Variants in SLC38A3 observed in about 807,000 individuals in gnomAD.
SLC38A3 encodes the protein solute carrier family 38 member 3.
Under a neutral mutation model 59.5 loss-of-function variants are expected in SLC38A3, and 17 were observed. The observed-to-expected ratio is 0.29, with a 90% CI of 0.20 to 0.43. The LOEUF is 0.43. SLC38A3 is among the 20% of genes least tolerant of loss of function. The pLI, the probability that SLC38A3 is intolerant of heterozygous loss-of-function variation, is 1.00. For missense variants in SLC38A3, 454 were observed against 653.9 expected, an observed-to-expected ratio of 0.69 and a Z score of 3.33; for synonymous variants, 238 against 260.3, an observed-to-expected ratio of 0.91 and a Z score of 0.82.
Position 50,218,587 on chromosome 3 carries a change from C to T in SLC38A3, c.1037-6C>T. The T allele has an allele frequency of 6.2e-7, 1 of 1,611,434 alleles. No homozygotes were observed. The highest frequency in any genetic ancestry group is 8.5e-7 in the Non-Finnish European group (1 of 1,178,698). ...ACCTACTGACCACCCTCCCTGCCTG[C>T]CACAGACGGGGTGGAGTCGGAGCTG... On this transcript the variant is annotated splice_polypyrimidine_tract_variant and splice_region_variant and intron_variant, in intron 12 of 15. Transcript: ENST00000614032. The surrounding 1 kb of genome is among the most constrained non-coding windows in gnomAD (Gnocchi z 5.8).
In SLC38A3 at chr3:50,217,306, T is replaced by C; in HGVS notation, c.617T>C (p.Leu206Pro). ...GTCACCATCATTCTGCCCCTGGCACTGATGCGGCAGCTTGGTGAGTGTGGA... is the reference window on the plus strand; with the variant it reads ...GTCACCATCATTCTGCCCCTGGCACCGATGCGGCAGCTTGGTGAGTGTGGA... ...VSVTIILPLA[L>P]MRQLGYLGYS... The change falls in exon 8 of 16, where the codon CTG (leucine) becomes CCG (proline). Residue 206 changes from leucine to proline, a missense_variant. Physicochemically the swap from Leu to Pro is moderately conservative, Grantham distance 98. This residue lies in a region of SLC38A3 where 390 missense variants were observed against 557.9 expected (regional missense o/e 0.70). Coordinates refer to ENST00000614032, the MANE Select transcript of SLC38A3 (RefSeq NM_006841.6). The surrounding 1 kb of genome is among the most constrained non-coding windows in gnomAD (Gnocchi z 4.9). 1 of 1,613,654 alleles carries C rather than the reference T, an allele frequency of 6.2e-7. No individual in the cohort carries two copies. Among genetic ancestry groups the C allele is most frequent in the South Asian group, 1.1e-5 (1 of 90,958 alleles).
At chr3:50,219,029 T>G in intron 14 of SLC38A3, 81 bp downstream of exon 14, 2 of 1,535,726 alleles carry the variant, frequency 1.3e-6, no homozygotes, top group Admixed American at 1.8e-5. Flanking sequence ...ATTCCTGAGC[T>G]TACACCCTAC....
chr3:50,216,756 CTTTGT>C (rs3831498), intron 7 of SLC38A3, among the ~76,000 whole-genome samples: 137 of 150,778 alleles, frequency 9.1e-4, no homozygotes, highest in Admixed American at 3.4e-3. Context: ...AAGGCACGCC[CTTTGT>C]TTTGTTTTGT....
At chr3:50,216,296 C>A (rs769804957) in intron 7 of SLC38A3, among the ~76,000 whole-genome samples, 8 of 152,200 alleles carry the variant, frequency 5.3e-5, no homozygotes, top group Non-Finnish European at 7.3e-5. Context: ...CAGCCCAGCC[C>A]GAGCAAGCAG....
chr3:50,215,132 G>A lies in SLC38A3; in HGVS notation c.300-254G>A, dbSNP rs1227348591. On this transcript the variant is annotated intron_variant, in intron 4 of 15. Coordinates refer to ENST00000614032, the MANE Select transcript of SLC38A3 (RefSeq NM_006841.6). This position sits in a 1 kb window ranked among gnomAD's most constrained non-coding sequence, Gnocchi z 7.1. ...GTTTGTTTCAAGGACTCAAGAGGAG[G>A]ACGTGCTCAGAGGGCAGTCACAGGG... 3.5e-6 allele frequency: 2 copies of A among 576,806 alleles called. No individual in the cohort carries two copies. The highest frequency in any genetic ancestry group is 3.7e-5 in the African/African-American group (2 of 53,434). 35.7% of individuals were successfully genotyped at this position (576,806 alleles called of 1,614,324 possible).
intron 1 of SLC38A3, among the ~76,000 whole-genome samples, chr3:50,213,915 T>A (rs950665999): frequency 6.6e-6 from 1 of 152,106 alleles, no homozygotes; most frequent in African/African-American, 2.4e-5. Context: ...GGTGTGCATG[T>A]AAGAAGTGCA....
intron 1 of SLC38A3, among the ~76,000 whole-genome samples, chr3:50,212,163 C>T (rs928098131): frequency 2.6e-5 from 4 of 152,240 alleles, no homozygotes; most frequent in Non-Finnish European, 5.9e-5. Context: ...CCTCAGACAC[C>T]TCCCACGGCC....
At chr3:50,216,053 A>G (rs1296144934) in intron 7 of SLC38A3, among the ~76,000 whole-genome samples, 1 of 152,156 alleles carries the variant, frequency 6.6e-6, no homozygotes, top group Non-Finnish European at 1.5e-5. Context: ...TTGTGGGGCT[A>G]GGGGCAGGGT....
chr3:50,214,930 C>T lies in SLC38A3; in HGVS notation c.299+162C>T. On this transcript the variant is annotated intron_variant, in intron 4 of 15. Coordinates refer to ENST00000614032, the MANE Select transcript of SLC38A3 (RefSeq NM_006841.6). This position sits in a 1 kb window ranked among gnomAD's most constrained non-coding sequence, Gnocchi z 6.0. ...GCTGAAAAAAACATCCACAGCCAAA[C>T]AAATATACCTCACTGCCCAGTAAAC... The T allele has an allele frequency of 3.1e-6, 2 of 644,172 alleles. No individual in the cohort carries two copies. The highest frequency in any genetic ancestry group is 5.6e-5 in the Admixed American group (2 of 35,920). The allele number at this position is 644,172 out of a possible 1,614,324, so 39.9% of individuals were successfully genotyped here. A position where few individuals can be genotyped will look rare whatever the true frequency, so the allele number is the denominator to read the frequency against.
chr3:50,218,201 T>TG lies in SLC38A3; in HGVS notation c.936-65dup. 4 of 1,204,212 alleles carry TG rather than the reference T, an allele frequency of 3.3e-6. No individual in the cohort carries two copies. The highest frequency in any genetic ancestry group is 4.9e-6 in the Non-Finnish European group (4 of 808,772). 74.6% of individuals were successfully genotyped at this position (1,204,212 alleles called of 1,614,324 possible). On this transcript the variant is annotated intron_variant, in intron 11 of 15. Transcript: ENST00000614032. This position sits in a 1 kb window ranked among gnomAD's most constrained non-coding sequence, Gnocchi z 5.8. Reference sequence around the variant, plus strand: ...TGAAAGTATGGTGCCAGAGAGAGCTTGGGGCACATGGGGGTCTCCCAATGT... The same window carrying TG: ...TGAAAGTATGGTGCCAGAGAGAGCTTGGGGGCACATGGGGGTCTCCCAATGT...
At position 50,208,952 on chromosome 3, in the gene SLC38A3, C is replaced by G. The variant is rs77984349; in HGVS notation, c.-52+3604C>G. ...CCAGGCCGACCTTGACTTTAGCCCCCCATCGGACTCTCTGATGAGTCCTGA... is the reference window on the plus strand; with the variant it reads ...CCAGGCCGACCTTGACTTTAGCCCCGCATCGGACTCTCTGATGAGTCCTGA... On this transcript the variant is annotated intron_variant, in intron 1 of 15. Coordinates refer to ENST00000614032, the MANE Select transcript of SLC38A3 (RefSeq NM_006841.6). Among the ~76,000 whole-genome samples, 144 of 152,324 alleles carry G rather than the reference C, an allele frequency of 9.5e-4. 1 individual carries two copies. In the East Asian group the frequency reaches 0.017, roughly 18 times the overall value.
At chr3:50,206,061 C>A (rs1162443252) in intron 1 of SLC38A3, among the ~76,000 whole-genome samples, 1 of 152,266 alleles carries the variant, frequency 6.6e-6, no homozygotes, top group Non-Finnish European at 1.5e-5. Flanking sequence ...TTAGAGCCCG[C>A]GCAGCGCACG....
At position 50,214,627 on chromosome 3, in the gene SLC38A3, T is replaced by G; in HGVS notation, c.184-26T>G. On this transcript the variant is annotated intron_variant, in intron 3 of 15. Coordinates refer to ENST00000614032, the MANE Select transcript of SLC38A3 (RefSeq NM_006841.6). The surrounding 1 kb of genome is among the most constrained non-coding windows in gnomAD (Gnocchi z 6.0). ...TGTCCCTTGCTGACTCCTCCCACCC[T>G]CCCCGTCCCATTCTGGTGCCTGCAG... The G allele has an allele frequency of 7.7e-6, 6 of 777,192 alleles. No individual in the cohort carries two copies. The highest frequency in any genetic ancestry group is 1.8e-5 in the African/African-American group (1 of 56,480). 48.1% of individuals were successfully genotyped at this position (777,192 alleles called of 1,614,324 possible).
Position 50,220,161 on chromosome 3 carries a change from A to T in SLC38A3, c.1499A>T (p.His500Leu). 6.3e-7 allele frequency: 1 copy of T among 1,594,142 alleles called. No homozygotes were observed. Among genetic ancestry groups the T allele is most frequent in the African/African-American group, 1.3e-5 (1 of 74,716 alleles). The change falls in exon 16 of 16, where the codon CAT becomes CTT. Residue 500 changes from histidine (H) to leucine (L), a missense_variant. Physicochemically the swap from His to Leu is moderately conservative, Grantham distance 99 (BLOSUM62 -3). Coordinates refer to ENST00000614032, the MANE Select transcript of SLC38A3 (RefSeq NM_006841.6). ...GACTGGGCCTCAGGGACCAGCCGGC[A>T]TGGAGGAAACCACTAGGGTGACCCT... ...IIDWASGTSR[H>L]GGNH is the part of the protein sequence containing the mutation.
At chr3:50,213,823 C>T (rs1215091388) in intron 1 of SLC38A3, among the ~76,000 whole-genome samples, 1 of 152,210 alleles carries the variant, frequency 6.6e-6, no homozygotes. Flanking sequence ...ATGCTGGTGC[C>T]ACTGGGCTCT....
In SLC38A3 at chr3:50,215,609, C is replaced by T. The variant is rs748392000; in HGVS notation, c.439C>T (p.Leu147=). 9.1e-5 allele frequency: 147 copies of T among 1,613,660 alleles called. 1 individual carries two copies. In the South Asian group the frequency reaches 1.6e-3, roughly 17 times the overall value. ...GACCCCAGGAAAGCTGGCAGCAGCC[C>T]TGGCCATCACGCTCCAGAACATCGG... The part of the protein sequence containing the change: ...FGTPGKLAAA[L]AITLQNIGAM... Residue 147 remains leucine (L), a synonymous_variant, in exon 6 of 16, where the codon CTG becomes TTG. Coordinates refer to ENST00000614032, the MANE Select transcript of SLC38A3 (RefSeq NM_006841.6). The surrounding 1 kb of genome is among the most constrained non-coding windows in gnomAD (Gnocchi z 7.1).
In SLC38A3 at chr3:50,214,515, A is replaced by T. The variant is rs377107626; in HGVS notation, c.183+32A>T. The T allele has an allele frequency of 6.5e-7, 1 of 1,541,636 alleles. No homozygotes were observed. Among genetic ancestry groups the T allele is most frequent in the Non-Finnish European group, 8.8e-7 (1 of 1,136,476 alleles). The stretch of plus-strand genomic sequence containing the variant: ...AGGGCAGCAACGGGTTTTAGGGGAC[A>T]CTGTGGGGAGCTTGGATGCAGTAAT... On this transcript the variant is annotated intron_variant, in intron 3 of 15. Coordinates refer to ENST00000614032, the MANE Select transcript of SLC38A3 (RefSeq NM_006841.6). This position sits in a 1 kb window ranked among gnomAD's most constrained non-coding sequence, Gnocchi z 6.0.
At position 50,220,091 on chromosome 3, in the gene SLC38A3, CT is replaced by C; in HGVS notation, c.1431del (p.Gly478AlafsTer4). Reference protein sequence around the residue: ...PKILALCFAMLGFLLMTMSLS... With the variant: ...PKILALCFAMXGFLLMTMSLS... ...TCCACAGGCCCTGTGTTTTGCTATG[CT>C]TGGCTTCTTGCTGATGACCATGAGC... On this transcript the variant is annotated frameshift_variant, in exon 16 of 16. Coordinates refer to ENST00000614032, the MANE Select transcript of SLC38A3 (RefSeq NM_006841.6). LOFTEE classifies it high-confidence loss of function. The C allele has an allele frequency of 6.2e-7, 1 of 1,606,766 alleles. No homozygotes were observed. The highest frequency in any genetic ancestry group is 8.5e-7 in the Non-Finnish European group (1 of 1,176,178).
In SLC38A3 at chr3:50,214,927, A is replaced by C. The variant is rs1699794501; in HGVS notation, c.299+159A>C. The C allele has an allele frequency of 1.5e-6, 1 of 647,710 alleles. No individual in the cohort carries two copies. Among genetic ancestry groups the C allele is most frequent in the Non-Finnish European group, 2.7e-6 (1 of 364,922 alleles). The allele number at this position is 647,710 out of a possible 1,614,324, so 40.1% of individuals were successfully genotyped here. A position where few individuals can be genotyped will look rare whatever the true frequency, so the allele number is the denominator to read the frequency against. On this transcript the variant is annotated intron_variant, in intron 4 of 15. Transcript: ENST00000614032. This position sits in a 1 kb window ranked among gnomAD's most constrained non-coding sequence, Gnocchi z 6.0. ...GCGGCTGAAAAAAACATCCACAGCCAAACAAATATACCTCACTGCCCAGTA... is the reference window on the plus strand; with the variant it reads ...GCGGCTGAAAAAAACATCCACAGCCCAACAAATATACCTCACTGCCCAGTA...
Sources: gnomAD v4.1 joint callset for allele counts (sites outside exome capture counted in the v4.1 genomes callset) on GRCh38, gnomAD v4.1.1 for gene constraint, gnomAD v4.1.1 regional missense constraint, Gnocchi (gnomAD v3.1) non-coding constraint, MANE v1.5 for transcripts, NCBI Gene and HGNC (gene_info 2026-07-23, HGNC 2026-07-21) for gene names.